Variants in CSMD1 observed in about 807,000 individuals in gnomAD.
CSMD1 encodes CUB and sushi domain-containing protein 1.
Under a neutral mutation model 417.5 loss-of-function variants are expected in CSMD1, and 213 were observed. That is an observed-to-expected ratio of 0.51 (90% CI 0.46 to 0.57). The LOEUF is 0.57. Ranked by LOEUF, CSMD1 falls within the 20% of genes least tolerant of loss-of-function variation. The pLI, the probability that CSMD1 is intolerant of heterozygous loss-of-function variation, is 0.00. For synonymous variants in CSMD1, 2,862 were observed against 1,736.8 expected (o/e 1.65, Z -16.11); for missense variants, 6,923 against 4,529.7 (o/e 1.53, Z -15.17).
chr8:4,136,127 C>G (rs1312044180), intron 3 of CSMD1, among the ~76,000 whole-genome samples: 1 of 152,158 alleles, frequency 6.6e-6, no homozygotes, highest in Non-Finnish European at 1.5e-5. Flanking sequence ...CAAAGGACCT[C>G]TCAAAAAGAA....
At chr8:3,234,447 T>C (rs377559402) in intron 26 of CSMD1, among the ~76,000 whole-genome samples, 1 of 152,142 alleles carries the variant, frequency 6.6e-6, no homozygotes, top group Non-Finnish European at 1.5e-5. Context: ...TTACTCGTGT[T>C]TTGAACAGGG....
Position 4,088,369 on chromosome 8 carries a change from C to G in CSMD1, c.416-56270G>C, listed in dbSNP as rs568612415. Among the ~76,000 whole-genome samples the G allele has an allele frequency of 3.3e-5, 5 of 152,326 alleles. No homozygotes were observed. The Middle Eastern group carries it at 0.017, about 518-fold the overall frequency. On this transcript the variant is annotated intron_variant, in intron 3 of 69. Coordinates refer to ENST00000635120, the MANE Select transcript of CSMD1 (RefSeq NM_033225.6). ...CAGCACAGAAGACGGAAACGTCTTA[C>G]TTTTGCGGGAAAGAGCTTTGTCGGT...
At chr8:3,683,439 G>A (rs971038993) in intron 7 of CSMD1, among the ~76,000 whole-genome samples, 1 of 152,020 alleles carries the variant, frequency 6.6e-6, no homozygotes, top group African/African-American at 2.4e-5. Context: ...TCTGCCTAAA[G>A]GGAATTCAGA....
At chr8:4,643,028 T>C (rs77195226) in intron 1 of CSMD1, among the ~76,000 whole-genome samples, 4,154 of 152,284 alleles carry the variant, frequency 0.027, 194 homozygotes, top group African/African-American at 0.093. Flanking sequence ...GAATGTATAA[T>C]TGTCTCCAAC....
intron 12 of CSMD1, among the ~76,000 whole-genome samples, chr8:3,463,948 CTTA>C (rs1277050723): frequency 6.6e-6 from 1 of 152,150 alleles, no homozygotes. Flanking sequence ...TTTCCATTCT[CTTA>C]TTATCACTGT....
intron 24 of CSMD1, 27 bp from the exon 25 acceptor site, chr8:3,307,848 C>A (rs776765565): frequency 1.9e-6 from 3 of 1,603,554 alleles, no homozygotes; most frequent in East Asian, 2.2e-5. Flanking sequence ...GAGATGGGAA[C>A]GTTCAGCTTC....
At chr8:4,243,222 G>A (rs1196360769) in intron 3 of CSMD1, among the ~76,000 whole-genome samples, 1 of 151,764 alleles carries the variant, frequency 6.6e-6, no homozygotes, top group African/African-American at 2.4e-5. Flanking sequence ...TGGCTATTAG[G>A]AGAGTCAGGA....
rs529700655 is a variant in CSMD1 at position 3,833,551 on chromosome 8, C to T, written c.819-79509G>A. 8.6e-5 allele frequency among the ~76,000 whole-genome samples: 13 copies of T among 151,974 alleles called. No homozygotes were observed. The South Asian group carries it at 1.5e-3, about 17-fold the overall frequency. On this transcript the variant is annotated intron_variant, in intron 5 of 69. Coordinates refer to ENST00000635120, the MANE Select transcript of CSMD1 (RefSeq NM_033225.6). ...CAATGAAGAAGCACTTTTTTTGTGT[C>T]CTAAGTGGTAATCAACTTTTTTGTT...
rs556874065 is a variant in CSMD1, at chr8:4,207,753, G to C, written c.416-175654C>G. Among the ~76,000 whole-genome samples the C allele has an allele frequency of 7.2e-5, 11 of 152,046 alleles. No homozygotes were observed. The South Asian group carries it at 2.3e-3, about 32-fold the overall frequency. On this transcript the variant is annotated intron_variant, in intron 3 of 69. Coordinates refer to ENST00000635120, the MANE Select transcript of CSMD1 (RefSeq NM_033225.6). ...ATAACAGTAGATACTGTAACATTTCGATAATCTACTAGGATAGCAAACCAT... is the reference window on the plus strand; with the variant it reads ...ATAACAGTAGATACTGTAACATTTCCATAATCTACTAGGATAGCAAACCAT...
At chr8:4,470,580 A>C (rs1171401195) in intron 2 of CSMD1, among the ~76,000 whole-genome samples, 1 of 152,200 alleles carries the variant, frequency 6.6e-6, no homozygotes, top group South Asian at 2.1e-4. Flanking sequence ...ACAACCAAAT[A>C]ATATAACTGC....
chr8:3,523,755 ACACACACATG>A (rs1170258139), intron 10 of CSMD1, among the ~76,000 whole-genome samples: 141 of 150,578 alleles, frequency 9.4e-4, no homozygotes, highest in Admixed American at 2.0e-3. Context: ...ATACACATGC[ACACACACATG>A]CACACACATG....
At chr8:4,967,553 G>A (rs368244587) in intron 1 of CSMD1, among the ~76,000 whole-genome samples, 8 of 152,170 alleles carry the variant, frequency 5.3e-5, no homozygotes, top group African/African-American at 1.9e-4. Context: ...TTTCCCCCAT[G>A]CAAATTTGGA....
rs145242610 is a variant in CSMD1 at position 3,070,863 on chromosome 8, A to G, written c.7474+16234T>C. On this transcript the variant is annotated intron_variant, in intron 49 of 69. Transcript: ENST00000635120. ...CAATTTTCTGTATTAGGCAATTCTTACATTGCTATAAAGCAATACCTGAGA... is the reference window on the plus strand; with the variant it reads ...CAATTTTCTGTATTAGGCAATTCTTGCATTGCTATAAAGCAATACCTGAGA... Among the ~76,000 whole-genome samples the G allele has an allele frequency of 7.4e-3, 1,121 of 152,360 alleles. 15 individuals are homozygous for G. Among genetic ancestry groups the G allele is most frequent in the African/African-American group, 0.025 (1,050 of 41,588 alleles).
intron 5 of CSMD1, among the ~76,000 whole-genome samples, chr8:3,977,664 G>A (rs1813541663): frequency 1.3e-5 from 2 of 152,138 alleles, no homozygotes; most frequent in South Asian, 2.1e-4. Flanking sequence ...TCTCCTTTCT[G>A]CTCATAAGAA....
chr8:3,479,337 G>GT (rs1029955024), intron 11 of CSMD1, among the ~76,000 whole-genome samples: 12 of 152,150 alleles, frequency 7.9e-5, no homozygotes, highest in African/African-American at 2.9e-4. Context: ...CTGGAGTGCA[G>GT]TGGCATGATC....
intron 1 of CSMD1, among the ~76,000 whole-genome samples, chr8:4,859,938 C>T (rs1469957186): frequency 6.6e-6 from 1 of 152,114 alleles, no homozygotes; most frequent in Non-Finnish European, 1.5e-5. Context: ...ATAAATCATG[C>T]TGCTATAAAG....
At chr8:4,885,627 A>T (rs1348005491) in intron 1 of CSMD1, among the ~76,000 whole-genome samples, 2 of 151,972 alleles carry the variant, frequency 1.3e-5, no homozygotes, top group Non-Finnish European at 2.9e-5. Context: ...AGTATATCAC[A>T]TTAATAGATT....
intron 1 of CSMD1, among the ~76,000 whole-genome samples, chr8:4,875,744 C>T (rs1447833766): frequency 1.3e-5 from 2 of 152,046 alleles, no homozygotes; most frequent in Admixed American, 6.6e-5. Flanking sequence ...TAGGTATGCT[C>T]AAACAAGCAA....
chr8:3,010,686 T>G (rs1006651196), intron 52 of CSMD1, among the ~76,000 whole-genome samples: 2 of 151,756 alleles, frequency 1.3e-5, no homozygotes, highest in African/African-American at 4.8e-5. Context: ...GCTCCCACTC[T>G]CACCTGGATT....
Sources: gnomAD v4.1 joint callset for allele counts (sites outside exome capture counted in the v4.1 genomes callset) on GRCh38, gnomAD v4.1.1 for gene constraint, MANE v1.5 for transcripts, NCBI Gene and HGNC (gene_info 2026-07-23, HGNC 2026-07-21) for gene names.